AGBL4: variants seen among roughly 807,000 people sequenced by gnomAD.
The protein encoded by AGBL4 is cytosolic carboxypeptidase 6.
Under a neutral mutation model 66.4 loss-of-function variants are expected in AGBL4, and 58 were observed. That is an observed-to-expected ratio of 0.87 (90% CI 0.71 to 1.09). The LOEUF is 1.09. AGBL4 is among the 50% of genes least tolerant of loss of function. AGBL4 has a pLI of 0.00. For missense variants in AGBL4, 579 were observed against 631.0 expected, an observed-to-expected ratio of 0.92 and a Z score of 0.88; for synonymous variants, 234 against 222.9, an observed-to-expected ratio of 1.05 and a Z score of -0.44.
At chr1:49,452,502 G>A (rs1467085300) in intron 3 of AGBL4, among the ~76,000 whole-genome samples, 1 of 151,784 alleles carries the variant, frequency 6.6e-6, no homozygotes, top group Non-Finnish European at 1.5e-5. Flanking sequence ...ACACCCACCT[G>A]ATGATTACAT....
intron 6 of AGBL4, among the ~76,000 whole-genome samples, chr1:48,693,755 A>G (rs1646671053): frequency 6.6e-6 from 1 of 151,464 alleles, no homozygotes; most frequent in South Asian, 2.1e-4. Context: ...AAAACATAAA[A>G]CCCCTTTCTA....
At chr1:49,115,772 C>A (rs532710477) in intron 4 of AGBL4, among the ~76,000 whole-genome samples, 4 of 152,212 alleles carry the variant, frequency 2.6e-5, no homozygotes, top group South Asian at 4.1e-4. Context: ...CAAATCCCCC[C>A]CCATTTTATA....
intron 6 of AGBL4, among the ~76,000 whole-genome samples, chr1:48,843,651 A>C (rs1348384343): frequency 6.6e-6 from 1 of 152,186 alleles, no homozygotes; most frequent in Non-Finnish European, 1.5e-5. Context: ...AACAAAGTGG[A>C]AACAAAAAAT....
chr1:49,769,763 G>T (rs999778375), intron 2 of AGBL4, among the ~76,000 whole-genome samples: 5 of 152,180 alleles, frequency 3.3e-5, no homozygotes, highest in African/African-American at 1.2e-4. Flanking sequence ...TCCATATGCA[G>T]ATGAATGAAA....
chr1:49,553,119 T>C (rs566552606), intron 3 of AGBL4, among the ~76,000 whole-genome samples: 2 of 152,340 alleles, frequency 1.3e-5, no homozygotes, highest in African/African-American at 4.8e-5. Flanking sequence ...AAAAAATGAA[T>C]GAATTGATCT....
rs1571203001 is a variant in AGBL4, at chr1:49,002,500, A to G, written c.594+43084T>C. ...ATTCTCTGTACCTTCAAAACAATAGAAAATTAAAAGAACAATTTCTCTTTA... is the reference window on the plus strand; with the variant it reads ...ATTCTCTGTACCTTCAAAACAATAGGAAATTAAAAGAACAATTTCTCTTTA... On this transcript the variant is annotated intron_variant, in intron 5 of 13. Coordinates refer to ENST00000371839, the MANE Select transcript of AGBL4 (RefSeq NM_032785.4). Among the ~76,000 whole-genome samples, 3 of 152,240 alleles carry G rather than the reference A, an allele frequency of 2.0e-5. No individual in the cohort carries two copies. The South Asian group carries it at 6.2e-4, about 32-fold the overall frequency.
At chr1:49,570,887 G>C (rs886773834) in intron 3 of AGBL4, among the ~76,000 whole-genome samples, 2 of 152,058 alleles carry the variant, frequency 1.3e-5, no homozygotes, top group African/African-American at 4.8e-5. Context: ...TCAAAGATCA[G>C]TTGGCTGTAG....
chr1:49,772,513 G>GT (rs1644091808), intron 2 of AGBL4, among the ~76,000 whole-genome samples: 1 of 151,962 alleles, frequency 6.6e-6, no homozygotes, highest in Non-Finnish European at 1.5e-5. Flanking sequence ...TTTGTTTTGC[G>GT]TAGCCCTACT....
intron 3 of AGBL4, among the ~76,000 whole-genome samples, chr1:49,607,778 T>C (rs1190583551): frequency 6.6e-6 from 1 of 152,100 alleles, no homozygotes; most frequent in Non-Finnish European, 1.5e-5. Context: ...ATTCAGATCT[T>C]ATTTAGTTTG....
At chr1:48,743,358 A>T (rs1247230367) in intron 6 of AGBL4, among the ~76,000 whole-genome samples, 3 of 152,206 alleles carry the variant, frequency 2.0e-5, no homozygotes, top group Non-Finnish European at 4.4e-5. Flanking sequence ...ATCAACACAA[A>T]TTACATGCAG....
intron 4 of AGBL4, among the ~76,000 whole-genome samples, chr1:49,096,094 AT>A (rs1281266974): frequency 6.6e-6 from 1 of 152,032 alleles, no homozygotes; most frequent in East Asian, 1.9e-4. Flanking sequence ...AAAAATGCTC[AT>A]CATCACTGGC....
rs533621402 is a variant in AGBL4 at position 49,076,300 on chromosome 1, C to T, written c.378-30500G>A. Among the ~76,000 whole-genome samples the T allele has an allele frequency of 1.8e-3, 277 of 152,240 alleles. 2 individuals are homozygous for T. The highest frequency in any genetic ancestry group is 6.3e-3 in the African/African-American group (262 of 41,540). Reference sequence around the variant, plus strand: ...CATTTGCATATAACCTATACACATCCTCCTATATATTTTAAATCATTTCAA... The same window carrying T: ...CATTTGCATATAACCTATACACATCTTCCTATATATTTTAAATCATTTCAA... On this transcript the variant is annotated intron_variant, in intron 4 of 13. Transcript: ENST00000371839.
intron 1 of AGBL4, among the ~76,000 whole-genome samples, chr1:49,904,062 T>C (rs1449990831): frequency 2.6e-5 from 4 of 152,196 alleles, no homozygotes; most frequent in African/African-American, 9.6e-5. Flanking sequence ...CTCTGATAGA[T>C]GCTAACATCA....
chr1:49,231,154 G>C (rs1179312924), intron 4 of AGBL4, among the ~76,000 whole-genome samples: 1 of 152,144 alleles, frequency 6.6e-6, no homozygotes, highest in African/African-American at 2.4e-5. Context: ...GTAAGATTTG[G>C]AAGAAGGATA....
At chr1:48,675,297 C>T (rs7555274) in intron 6 of AGBL4, among the ~76,000 whole-genome samples, 2,187 of 152,276 alleles carry the variant, frequency 0.014, 59 homozygotes, top group African/African-American at 0.05. Flanking sequence ...ACCCCCTTGA[C>T]AGAAGCGGAG....
At chr1:48,815,408 A>G (rs1646149866) in intron 6 of AGBL4, among the ~76,000 whole-genome samples, 1 of 152,148 alleles carries the variant, frequency 6.6e-6, no homozygotes, top group African/African-American at 2.4e-5. Flanking sequence ...TTACCAAGGT[A>G]ATAGCAATAA....
chr1:48,530,664 G>T (rs1433132060), downstream of AGBL4, among the ~76,000 whole-genome samples: 4 of 152,184 alleles, frequency 2.6e-5, no homozygotes, highest in African/African-American at 9.7e-5. Context: ...GCTGCAGCTT[G>T]AGGGTAAACA....
At chr1:49,971,907 GTTTTT>G (rs745772850) in intron 1 of AGBL4, among the ~76,000 whole-genome samples, 29 of 23,442 alleles carry the variant, frequency 1.2e-3, no homozygotes, top group African/African-American at 3.0e-3. Context: ...GTTTTTTTGG[GTTTTT>G]TTTTTTTTTT....
In AGBL4 at chr1:48,761,530, T is replaced by C. The variant is rs886425500; in HGVS notation, c.635-98289A>G. The C allele has an allele frequency of 4.0e-6, 6 of 1,488,804 alleles. No homozygotes were observed. In the Admixed American group the frequency reaches 1.1e-4, roughly 27 times the overall value. 92.2% of individuals were successfully genotyped at this position (1,488,804 alleles called of 1,614,324 possible). On this transcript the variant is annotated intron_variant, in intron 6 of 13. Coordinates refer to ENST00000371839, the MANE Select transcript of AGBL4 (RefSeq NM_032785.4). The stretch of plus-strand genomic sequence containing the variant: ...GAGTTAAAATGAGTCATTATGAGTT[T>C]AGAATGCCCAAAACCTCAAATGCTA...
Sources: gnomAD v4.1 joint callset for allele counts (sites outside exome capture counted in the v4.1 genomes callset) on GRCh38, gnomAD v4.1.1 for gene constraint, MANE v1.5 for transcripts, NCBI Gene and HGNC (gene_info 2026-07-23, HGNC 2026-07-21) for gene names.